The following GRIK4 variants were observed in gnomAD, a reference collection of about 807,000 sequenced individuals.
The protein encoded by GRIK4 is glutamate receptor ionotropic, kainate 4.
GRIK4 carries 40 observed loss-of-function variants against 104.9 expected under a neutral mutation model. That is an observed-to-expected ratio of 0.38 (90% confidence interval 0.30 to 0.50). GRIK4 has a LOEUF of 0.50. GRIK4 is among the 20% of genes least tolerant of loss of function. The probability of loss-of-function intolerance (pLI) is 0.93; values close to 1 mark genes in which losing one functional copy is unlikely to be tolerated. For synonymous variants in GRIK4, 485 were observed against 524.9 expected (o/e 0.92, Z 1.04); for missense variants, 1,047 against 1,308.1 (o/e 0.80, Z 3.08).
In GRIK4 at chr11:120,630,612, G is replaced by A. The variant is rs139399530; in HGVS notation, c.-158-23073G>A. Among the ~76,000 whole-genome samples the A allele has an allele frequency of 9.5e-4, 144 of 152,358 alleles. 1 individual carries two copies. Among genetic ancestry groups the A allele is most frequent in the African/African-American group, 3.2e-3 (134 of 41,582 alleles). On this transcript the variant is annotated intron_variant, in intron 1 of 20. Transcript: ENST00000527524. ...TGGCTGGACCCCCTCTCAGGAGCCA[G>A]GTAAGGGGGAACTCTCTTGGGAGAG... is the stretch of plus-strand genomic sequence containing the variant.
At chr11:120,983,417 T>G (rs1944685316) in intron 20 of GRIK4, among the ~76,000 whole-genome samples, 1 of 152,190 alleles carries the variant, frequency 6.6e-6, no homozygotes, top group Non-Finnish European at 1.5e-5. Flanking sequence ...AGGCCGATGC[T>G]TAAAGGTCTG....
At chr11:120,934,822 G>A (rs1240757077) in intron 13 of GRIK4, among the ~76,000 whole-genome samples, 2 of 152,206 alleles carry the variant, frequency 1.3e-5, no homozygotes, top group African/African-American at 4.8e-5. Context: ...TGGGATGCGT[G>A]GAGCACTCTC....
rs73584425 is a variant in GRIK4 at position 120,879,293 on chromosome 11, A to G, written c.1164+4050A>G. Among the ~76,000 whole-genome samples, 1,280 of 152,330 alleles carry G rather than the reference A, an allele frequency of 8.4e-3. 19 individuals carry two copies. Among genetic ancestry groups the G allele is most frequent in the African/African-American group, 0.029 (1,211 of 41,574 alleles). On this transcript the variant is annotated intron_variant, in intron 11 of 20. Coordinates refer to ENST00000527524, the MANE Select transcript of GRIK4 (RefSeq NM_014619.5). ...GCTGCCACCTGCTGCAAACCAGGAC[A>G]GTGCCTGGGTCCTCATGACCAGCTG...
At chr11:120,693,207 C>T (rs564512152) in intron 3 of GRIK4, among the ~76,000 whole-genome samples, 37 of 152,080 alleles carry the variant, frequency 2.4e-4, no homozygotes, top group African/African-American at 8.2e-4. Context: ...CAGGTTCAAG[C>T]GACTCTCCTG....
chr11:120,605,983 C>T (rs1171749379), intron 1 of GRIK4, among the ~76,000 whole-genome samples: 2 of 152,176 alleles, frequency 1.3e-5, no homozygotes, highest in Non-Finnish European at 2.9e-5. Flanking sequence ...GCTTCTTGTT[C>T]TTGCCCTCTT....
At chr11:120,610,758 T>C (rs1949026839) in intron 1 of GRIK4, among the ~76,000 whole-genome samples, 1 of 152,184 alleles carries the variant, frequency 6.6e-6, no homozygotes, top group Non-Finnish European at 1.5e-5. Flanking sequence ...GCCTGCAGTG[T>C]CTTGAGCTTC....
intron 19 of GRIK4, among the ~76,000 whole-genome samples, chr11:120,980,078 T>C (rs537463406): frequency 1.3e-5 from 2 of 152,294 alleles, no homozygotes; most frequent in South Asian, 4.1e-4. Flanking sequence ...TCAAGTGATC[T>C]GCCTGCCTTG....
intron 1 of GRIK4, among the ~76,000 whole-genome samples, chr11:120,580,457 G>T (rs991736956): frequency 6.6e-6 from 1 of 151,784 alleles, no homozygotes; most frequent in African/African-American, 2.4e-5. Context: ...TGTACTTTTA[G>T]TAGAAACAGG....
At chr11:120,721,135 A>G (rs1950927033) in intron 3 of GRIK4, among the ~76,000 whole-genome samples, 1 of 152,194 alleles carries the variant, frequency 6.6e-6, no homozygotes, top group South Asian at 2.1e-4. Flanking sequence ...ATGGGCAATT[A>G]CAACATCTGT....
At chr11:120,830,377 C>T (rs1299539888) in intron 6 of GRIK4, among the ~76,000 whole-genome samples, 6 of 152,132 alleles carry the variant, frequency 3.9e-5, no homozygotes, top group Non-Finnish European at 7.3e-5. Flanking sequence ...GAATTCTGGT[C>T]CCAGCTGTGT....
rs769461481 is a variant in GRIK4 at position 120,874,145 on chromosome 11, G to A, written c.986G>A (p.Gly329Asp). ...GAACTGAACCGGAGCCAAGAGATCG[G>A]CGTGAAGCCCTTGTCCTGCGGCTCG... Reference protein sequence around the residue: ...VQELNRSQEIGVKPLSCGSAQ... With the variant: ...VQELNRSQEIDVKPLSCGSAQ... The change falls in exon 10 of 21, where the codon GGC (glycine) becomes GAC (aspartate). Residue 329 changes from glycine (G) to aspartate (D), a missense_variant. Gly to Asp is a moderately conservative substitution (Grantham distance 94, BLOSUM62 -1). Coordinates refer to ENST00000527524, the MANE Select transcript of GRIK4 (RefSeq NM_014619.5). 1.2e-6 allele frequency: 2 copies of A among 1,613,992 alleles called. No individual in the cohort carries two copies. Among genetic ancestry groups the A allele is most frequent in the East Asian group, 2.2e-5 (1 of 44,886 alleles).
intron 3 of GRIK4, among the ~76,000 whole-genome samples, chr11:120,744,299 G>T (rs140746993): frequency 2.6e-5 from 4 of 152,096 alleles, no homozygotes; most frequent in Non-Finnish European, 4.4e-5. Flanking sequence ...TGGGGCTCAG[G>T]CTTCTTTTTT....
At chr11:120,980,322 G>GTA (rs1437714561) in intron 19 of GRIK4, among the ~76,000 whole-genome samples, 1 of 152,192 alleles carries the variant, frequency 6.6e-6, no homozygotes, top group Non-Finnish European at 1.5e-5. Flanking sequence ...GCCAGAGAAG[G>GTA]TAATTCATCC....
Position 120,529,104 on chromosome 11 carries a change from C to T in GRIK4, c.-159+17217C>T, listed in dbSNP as rs57941961. Among the ~76,000 whole-genome samples, 2,801 of 152,182 alleles carry T rather than the reference C, an allele frequency of 0.018. 194 individuals carry two copies. In the East Asian group the frequency reaches 0.24, roughly 13 times the overall value. The stretch of plus-strand genomic sequence containing the variant: ...CCTCTTCCAGGAAGCCCTTTCCTGA[C>T]GCCTCCCTGAGCCTGCATAACCCCC... On this transcript the variant is annotated intron_variant, in intron 1 of 20. Coordinates refer to ENST00000527524, the MANE Select transcript of GRIK4 (RefSeq NM_014619.5).
intron 1 of GRIK4, among the ~76,000 whole-genome samples, chr11:120,572,949 G>A (rs1948420039): frequency 2.0e-5 from 3 of 152,218 alleles, no homozygotes; most frequent in Admixed American, 2.0e-4. Context: ...TGGACCCAAA[G>A]CCGTTGAGAG....
chr11:120,831,651 T>A (rs1384847831), intron 6 of GRIK4, among the ~76,000 whole-genome samples: 1 of 152,130 alleles, frequency 6.6e-6, no homozygotes, highest in Admixed American at 6.5e-5. Flanking sequence ...GAAGTGTTCT[T>A]TTATTTTAGA....
chr11:120,900,034 A>G (rs547195762), intron 12 of GRIK4, among the ~76,000 whole-genome samples: 44 of 152,310 alleles, frequency 2.9e-4, no homozygotes, highest in Admixed American at 1.3e-3. Context: ...CTATAAACAG[A>G]AAGAGATAAA....
chr11:120,962,148 G>A (rs1410807138), intron 17 of GRIK4, among the ~76,000 whole-genome samples: 1 of 152,208 alleles, frequency 6.6e-6, no homozygotes, highest in African/African-American at 2.4e-5. Context: ...GGAAAATGGA[G>A]GTTGGCAGTA....
intron 1 of GRIK4, among the ~76,000 whole-genome samples, chr11:120,562,654 G>A (rs530544009): frequency 6.6e-6 from 1 of 152,338 alleles, no homozygotes; most frequent in South Asian, 2.1e-4. Context: ...AGACGTGACA[G>A]TGATCAGTTC....
Sources: gnomAD v4.1 joint callset for allele counts (sites outside exome capture counted in the v4.1 genomes callset) on GRCh38, gnomAD v4.1.1 for gene constraint, MANE v1.5 for transcripts, NCBI Gene and HGNC (gene_info 2026-07-23, HGNC 2026-07-21) for gene names.